RPS6KC1: variants seen among roughly 807,000 people sequenced by gnomAD.
The protein encoded by RPS6KC1 is ribosomal protein S6 kinase C1.
A neutral mutation model predicts 103.8 loss-of-function variants in RPS6KC1; 54 were observed. The ratio of observed to expected loss-of-function variants is 0.52; its 90% CI spans 0.42 to 0.65. The LOEUF is 0.65. Ranked by LOEUF, RPS6KC1 falls within the 30% of genes least tolerant of loss-of-function variation. RPS6KC1 has a pLI of 0.00. For missense variants in RPS6KC1, 1,151 were observed against 1,253.8 expected (o/e 0.92, Z 1.24); for synonymous variants, 439 against 438.7 (o/e 1.00, Z -0.01).
the RPS6KC1 span, among the ~76,000 whole-genome samples, chr1:213,822,935 G>A: frequency 6.6e-6 from 1 of 152,132 alleles, no homozygotes; most frequent in African/African-American, 2.4e-5. Flanking sequence ...TGATCACTCT[G>A]AAGCATACAT....
intron 8 of RPS6KC1, among the ~76,000 whole-genome samples, chr1:213,208,163 C>T (rs2148647760): frequency 6.6e-6 from 1 of 152,326 alleles, no homozygotes; most frequent in African/African-American, 2.4e-5. Context: ...AAATATCTCT[C>T]AAGTACAAAC....
the RPS6KC1 span, among the ~76,000 whole-genome samples, chr1:213,386,584 C>T: frequency 6.6e-6 from 1 of 152,204 alleles, no homozygotes; most frequent in Non-Finnish European, 1.5e-5. Flanking sequence ...CTTTGCAGGT[C>T]TTCCATCTAC....
At chr1:213,278,285 G>A (rs1185012208), downstream of RPS6KC1, among the ~76,000 whole-genome samples, 1 of 152,010 alleles carries the variant, frequency 6.6e-6, no homozygotes, top group Admixed American at 6.6e-5. Context: ...CCCACCAAGA[G>A]ACAGATGTCA....
At chr1:213,667,703 A>T in the RPS6KC1 span, among the ~76,000 whole-genome samples, 11 of 152,184 alleles carry the variant, frequency 7.2e-5, no homozygotes, top group Non-Finnish European at 1.5e-4. Flanking sequence ...ATGCTGTTTG[A>T]TAGCATTTTA....
At chr1:213,169,571 G>A (rs1014896837) in intron 7 of RPS6KC1, among the ~76,000 whole-genome samples, 2 of 151,578 alleles carry the variant, frequency 1.3e-5, no homozygotes, top group Non-Finnish European at 2.9e-5. Flanking sequence ...TTTTTAAGTG[G>A]AATATTTATG....
intron 6 of RPS6KC1, among the ~76,000 whole-genome samples, chr1:213,141,647 T>C (rs2087045725): frequency 6.6e-6 from 1 of 152,000 alleles, no homozygotes; most frequent in Admixed American, 6.6e-5. Flanking sequence ...CTGATTTTGG[T>C]TATTTCTTTT....
the RPS6KC1 span, among the ~76,000 whole-genome samples, chr1:213,520,257 A>G: frequency 6.6e-6 from 1 of 152,194 alleles, no homozygotes; most frequent in Non-Finnish European, 1.5e-5. Flanking sequence ...ATGGTGGAAG[A>G]CAAAGGAAGA....
intron 13 of RPS6KC1, 35 bp from the exon 14 acceptor site, chr1:213,262,686 T>C (rs1261562695): frequency 7.8e-7 from 1 of 1,274,812 alleles, no homozygotes; most frequent in Admixed American, 1.7e-5. Flanking sequence ...ATGATGTTAT[T>C]TGGGATAAGA....
chr1:213,223,743 A>C (rs535328111), intron 8 of RPS6KC1, among the ~76,000 whole-genome samples: 1 of 152,126 alleles, frequency 6.6e-6, no homozygotes, highest in South Asian at 2.1e-4. Context: ...GGATTGTTGG[A>C]TAGAATGGTA....
chr1:213,654,106 G>A, the RPS6KC1 span, among the ~76,000 whole-genome samples: 1 of 152,236 alleles, frequency 6.6e-6, no homozygotes, highest in Non-Finnish European at 1.5e-5. Flanking sequence ...GCTGAAGGCT[G>A]TCTTCATGTG....
chr1:213,215,806 T>C (rs2093643119), intron 8 of RPS6KC1, among the ~76,000 whole-genome samples: 1 of 152,152 alleles, frequency 6.6e-6, no homozygotes. Flanking sequence ...AGAAATAAAA[T>C]ACTTTAAAGA....
At chr1:213,697,565 C>T in the RPS6KC1 span, among the ~76,000 whole-genome samples, 1 of 152,226 alleles carries the variant, frequency 6.6e-6, no homozygotes, top group East Asian at 1.9e-4. Context: ...TCTCCAGCTA[C>T]TTGAGAAGTC....
the RPS6KC1 span, among the ~76,000 whole-genome samples, chr1:213,331,141 A>C: frequency 6.6e-6 from 1 of 152,260 alleles, no homozygotes; most frequent in Non-Finnish European, 1.5e-5. Flanking sequence ...ATGTGCTGGC[A>C]CAGGAGACTA....
the RPS6KC1 span, among the ~76,000 whole-genome samples, chr1:213,482,540 G>GTTTTTTTGTTTTTTTTTTTTT: frequency 1.6e-5 from 1 of 61,150 alleles, no homozygotes; most frequent in Admixed American, 1.8e-4. Context: ...CTAACTTGAG[G>GTTTTTTTGTTTTTTTTTTTTT]TTTTTTTTTT....
At chr1:213,688,369 T>C in the RPS6KC1 span, among the ~76,000 whole-genome samples, 1 of 152,184 alleles carries the variant, frequency 6.6e-6, no homozygotes, top group Non-Finnish European at 1.5e-5. Context: ...TAAGCACAAC[T>C]GAACTTCTTC....
At chr1:213,205,557 T>G (rs1484399048) in intron 8 of RPS6KC1, among the ~76,000 whole-genome samples, 1 of 137,914 alleles carries the variant, frequency 7.3e-6, no homozygotes, top group Non-Finnish European at 1.6e-5. Flanking sequence ...GATATATATA[T>G]ATATATATAT....
chr1:213,771,750 A>C, the RPS6KC1 span, among the ~76,000 whole-genome samples: 1 of 152,372 alleles, frequency 6.6e-6, no homozygotes, highest in African/African-American at 2.4e-5. Context: ...ATTGACAATA[A>C]AGAGTTTAGC....
At chr1:213,330,545 T>C in the RPS6KC1 span, among the ~76,000 whole-genome samples, 16 of 152,208 alleles carry the variant, frequency 1.1e-4, no homozygotes, top group Admixed American at 3.3e-4. Context: ...GTCTCATTGA[T>C]TTTGGTGACT....
the RPS6KC1 span, chr1:213,841,920 T>C: frequency 2.0e-5 from 3 of 152,336 alleles, no homozygotes; most frequent in East Asian, 3.9e-4. Context: ...ACAATCCCAA[T>C]TGCACTTCAG....
Sources: gnomAD v4.1 joint callset for allele counts (sites outside exome capture counted in the v4.1 genomes callset) on GRCh38, gnomAD v4.1.1 for gene constraint, MANE v1.5 for transcripts, NCBI Gene and HGNC (gene_info 2026-07-23, HGNC 2026-07-21) for gene names.